H2BC6: variants seen among roughly 807,000 people sequenced by gnomAD.
H2BC6 encodes the protein histone H2B type 1-C/E/F/G/I.
Under a neutral mutation model 6.1 loss-of-function variants are expected in H2BC6, and 8 were observed. That is an observed-to-expected ratio of 1.31 (90% CI 0.77 to 2.36). The LOEUF (loss-of-function observed/expected upper bound fraction) is 2.36. H2BC6 is among the 30% of genes most tolerant of loss of function. The pLI, the probability that H2BC6 is intolerant of heterozygous loss-of-function variation, is 0.00. For missense variants in H2BC6, 212 were observed against 169.9 expected, an observed-to-expected ratio of 1.25 and a Z score of -1.38; for synonymous variants, 136 against 73.9, an observed-to-expected ratio of 1.84 and a Z score of -4.31.
Position 26,184,053 on chromosome 6 carries a change from G to A in H2BC6, c.258G>A (p.Lys86=). Reference sequence around the variant, plus strand: ...CTTCCCGCCTGGCGCATTACAACAAGCGCTCGACCATCACCTCCAGGGAGA... The same window carrying A: ...CTTCCCGCCTGGCGCATTACAACAAACGCTCGACCATCACCTCCAGGGAGA... The part of the protein sequence containing the change: ...GEASRLAHYN[K]RSTITSREIQ... The change falls in exon 1 of 1, where the codon AAG becomes AAA. Residue 86 remains lysine, a synonymous_variant. Coordinates refer to ENST00000614097, the MANE Select transcript of H2BC6 (RefSeq NM_003523.3). The A allele has an allele frequency of 6.2e-7, 1 of 1,614,228 alleles. No homozygotes were observed. The highest frequency in any genetic ancestry group is 8.5e-7 in the Non-Finnish European group (1 of 1,180,046).
chr6:26,183,849 C>A lies in H2BC6; in HGVS notation c.54C>A (p.Ala18=), dbSNP rs777712658. The part of the protein sequence containing the change: ...APAPKKGSKK[A]VTKAQKKDGK... ...CCCCGAAGAAGGGCTCCAAGAAGGC[C>A]GTGACCAAGGCGCAGAAGAAGGACG... Residue 18 remains alanine (A), a synonymous_variant, in exon 1 of 1, where the codon GCC becomes GCA. Coordinates refer to ENST00000614097, the MANE Select transcript of H2BC6 (RefSeq NM_003523.3). 220 of 1,614,096 alleles carry A rather than the reference C, an allele frequency of 1.4e-4. No individual in the cohort carries two copies. Among genetic ancestry groups the A allele is most frequent in the Non-Finnish European group, 8.5e-5 (100 of 1,180,048 alleles).
chr6:26,183,962 C>CCT lies in H2BC6; in HGVS notation c.170_171dup (p.Lys58LeufsTer7), dbSNP rs775706706. ...CAGGTCCACCCCGACACCGGCATCT[C>CCT]CTCTAAAGCCATGGGGATCATGAAT... is the stretch of plus-strand genomic sequence containing the variant. On this transcript the variant is annotated frameshift_variant, in exon 1 of 1. Coordinates refer to ENST00000614097, the MANE Select transcript of H2BC6 (RefSeq NM_003523.3). LOFTEE classifies it high-confidence loss of function. The CCT allele has an allele frequency of 3.1e-6, 5 of 1,614,252 alleles. No homozygotes were observed. In the African/African-American group the frequency reaches 6.7e-5, roughly 22 times the overall value.
chr6:26,183,849 C>G lies in H2BC6; in HGVS notation c.54C>G (p.Ala18=), dbSNP rs777712658. ...CCCCGAAGAAGGGCTCCAAGAAGGC[C>G]GTGACCAAGGCGCAGAAGAAGGACG... ...APAPKKGSKK[A]VTKAQKKDGK... is the part of the protein sequence containing the mutation. The change falls in exon 1 of 1, where the codon GCC becomes GCG. Residue 18 remains alanine, a synonymous_variant. Coordinates refer to ENST00000614097, the MANE Select transcript of H2BC6 (RefSeq NM_003523.3). The G allele has an allele frequency of 7.3e-5, 118 of 1,614,096 alleles. No individual in the cohort carries two copies. The highest frequency in any genetic ancestry group is 9.4e-5 in the Non-Finnish European group (111 of 1,180,048).
rs568409555 is a variant in H2BC6, at chr6:26,183,990, C to T, written c.195C>T (p.Ser65=). Residue 65 remains serine (S), a synonymous_variant, in exon 1 of 1, where the codon TCC becomes TCT. Coordinates refer to ENST00000614097, the MANE Select transcript of H2BC6 (RefSeq NM_003523.3). ...CTAAAGCCATGGGGATCATGAATTC[C>T]TTTGTCAACGACATCTTCGAGCGCA... The part of the protein sequence containing the change: ...ISSKAMGIMN[S]FVNDIFERIA... The T allele has an allele frequency of 5.6e-6, 9 of 1,614,272 alleles. No homozygotes were observed. Among genetic ancestry groups the T allele is most frequent in the Non-Finnish European group, 5.9e-6 (7 of 1,180,046 alleles).
In H2BC6 at chr6:26,183,953, C is replaced by A; in HGVS notation, c.158C>A (p.Thr53Asn). 1 of 1,614,270 alleles carries A rather than the reference C, an allele frequency of 6.2e-7. No homozygotes were observed. Among genetic ancestry groups the A allele is most frequent in the East Asian group, 2.2e-5 (1 of 44,884 alleles). The change falls in exon 1 of 1, where the codon ACC becomes AAC. Residue 53 changes from threonine to asparagine, a missense_variant. Physicochemically the swap from Thr to Asn is moderately conservative, Grantham distance 65. Coordinates refer to ENST00000614097, the MANE Select transcript of H2BC6 (RefSeq NM_003523.3). ...YKVLKQVHPDTGISSKAMGIM... is the reference protein window; with the variant it reads ...YKVLKQVHPDNGISSKAMGIM... The stretch of plus-strand genomic sequence containing the variant: ...GTGCTGAAACAGGTCCACCCCGACA[C>A]CGGCATCTCCTCTAAAGCCATGGGG...
In H2BC6 at chr6:26,184,160, A is replaced by ACAC; in HGVS notation, c.368_370dup (p.Thr123dup). The ACAC allele has an allele frequency of 6.2e-7, 1 of 1,614,182 alleles. No individual in the cohort carries two copies. The highest frequency in any genetic ancestry group is 8.5e-7 in the Non-Finnish European group (1 of 1,180,022). On this transcript the variant is annotated inframe_insertion, in exon 1 of 1. Transcript: ENST00000614097. ...GAGGGCACCAAGGCCGTTACCAAGT[A>ACAC]CACCAGCTCCAAGTAAACTTGTCCC... is the stretch of plus-strand genomic sequence containing the variant.
In H2BC6 at chr6:26,183,970, G is replaced by C. The variant is rs1415600577; in HGVS notation, c.175G>C (p.Ala59Pro). ...CCCCGACACCGGCATCTCCTCTAAAGCCATGGGGATCATGAATTCCTTTGT... is the reference window on the plus strand; with the variant it reads ...CCCCGACACCGGCATCTCCTCTAAACCCATGGGGATCATGAATTCCTTTGT... ...VHPDTGISSK[A>P]MGIMNSFVND... is the part of the protein sequence containing the mutation. Residue 59 changes from alanine to proline, a missense_variant, in exon 1 of 1, where the codon GCC (alanine) becomes CCC (proline). Coordinates refer to ENST00000614097, the MANE Select transcript of H2BC6 (RefSeq NM_003523.3). 6.2e-7 allele frequency: 1 copy of C among 1,614,252 alleles called. No individual in the cohort carries two copies. Among genetic ancestry groups the C allele is most frequent in the East Asian group, 2.2e-5 (1 of 44,888 alleles).
Position 26,183,815 on chromosome 6 carries a change from C to T in H2BC6, c.20C>T (p.Ser7Phe), listed in dbSNP as rs146757427. The part of the protein sequence containing the change: MPEPAK[S>F]APAPKKGSKK... The stretch of plus-strand genomic sequence containing the variant: ...GATAGCATGCCTGAGCCAGCGAAAT[C>T]CGCTCCCGCCCCGAAGAAGGGCTCC... The change falls in exon 1 of 1, where the codon TCC becomes TTC. Residue 7 changes from serine to phenylalanine, a missense_variant. By Grantham distance (155) the Ser-to-Phe change is radical (BLOSUM62 -2). Transcript: ENST00000614097. The T allele has an allele frequency of 6.2e-7, 1 of 1,607,212 alleles. No homozygotes were observed. Among genetic ancestry groups the T allele is most frequent in the South Asian group, 1.1e-5 (1 of 91,086 alleles).
chr6:26,183,847 G>A lies in H2BC6; in HGVS notation c.52G>A (p.Ala18Thr), dbSNP rs374387585. 4 of 1,614,126 alleles carry A rather than the reference G, an allele frequency of 2.5e-6. No individual in the cohort carries two copies. The highest frequency in any genetic ancestry group is 2.7e-5 in the African/African-American group (2 of 74,944). The change falls in exon 1 of 1, where the codon GCC becomes ACC. Residue 18 changes from alanine (A) to threonine (T), a missense_variant. Transcript: ENST00000614097. The stretch of plus-strand genomic sequence containing the variant: ...CGCCCCGAAGAAGGGCTCCAAGAAG[G>A]CCGTGACCAAGGCGCAGAAGAAGGA... ...APAPKKGSKK[A>T]VTKAQKKDGK...
chr6:26,184,114 C>G lies in H2BC6; in HGVS notation c.319C>G (p.Leu107Val). The G allele has an allele frequency of 6.2e-7, 1 of 1,614,236 alleles. No homozygotes were observed. The highest frequency in any genetic ancestry group is 1.1e-5 in the South Asian group (1 of 91,080). ...CGTGCGCCTGCTGCTTCCCGGGGAG[C>G]TGGCCAAGCACGCTGTGTCAGAGGG... ...TAVRLLLPGE[L>V]AKHAVSEGTK... is the part of the protein sequence containing the mutation. The change falls in exon 1 of 1, where the codon CTG becomes GTG. Residue 107 changes from leucine to valine, a missense_variant. Physicochemically the swap from Leu to Val is conservative, Grantham distance 32. Coordinates refer to ENST00000614097, the MANE Select transcript of H2BC6 (RefSeq NM_003523.3).
chr6:26,183,978 G>A lies in H2BC6; in HGVS notation c.183G>A (p.Gly61=), dbSNP rs538164578. Residue 61 remains glycine (G), a synonymous_variant, in exon 1 of 1, where the codon GGG becomes GGA. Transcript: ENST00000614097. ...PDTGISSKAM[G]IMNSFVNDIF... ...CCGGCATCTCCTCTAAAGCCATGGG[G>A]ATCATGAATTCCTTTGTCAACGACA... 9 of 1,614,136 alleles carry A rather than the reference G, an allele frequency of 5.6e-6. No homozygotes were observed. Among genetic ancestry groups the A allele is most frequent in the South Asian group, 5.5e-5 (5 of 91,094 alleles).
At position 26,183,799 on chromosome 6, in the gene H2BC6, C is replaced by T; in HGVS notation, c.4C>T (p.Pro2Ser). MPEPAKSAPAPK... is the reference protein window; with the variant it reads MSEPAKSAPAPK... Reference sequence around the variant, plus strand: ...ACTGCAGAACAGCAAAGATAGCATGCCTGAGCCAGCGAAATCCGCTCCCGC... The same window carrying T: ...ACTGCAGAACAGCAAAGATAGCATGTCTGAGCCAGCGAAATCCGCTCCCGC... Residue 2 changes from proline to serine, a missense_variant, in exon 1 of 1, where the codon CCT becomes TCT. Transcript: ENST00000614097. 1 of 1,614,186 alleles carries T rather than the reference C, an allele frequency of 6.2e-7. No homozygotes were observed. The highest frequency in any genetic ancestry group is 2.2e-5 in the East Asian group (1 of 44,890).
At position 26,183,772 on chromosome 6, in the gene H2BC6, T is replaced by G; in HGVS notation, c.-24T>G. The G allele has an allele frequency of 6.2e-7, 1 of 1,608,110 alleles. No individual in the cohort carries two copies. On this transcript the variant is annotated 5_prime_UTR_variant, in exon 1 of 1. Coordinates refer to ENST00000614097, the MANE Select transcript of H2BC6 (RefSeq NM_003523.3). The stretch of plus-strand genomic sequence containing the variant: ...GAGATGTAGATTTCATTTTCTTTCC[T>G]AACTGCAGAACAGCAAAGATAGCAT...
At position 26,184,022 on chromosome 6, in the gene H2BC6, G is replaced by T. The variant is rs1330183714; in HGVS notation, c.227G>T (p.Gly76Val). 1.2e-6 allele frequency: 2 copies of T among 1,614,140 alleles called. No individual in the cohort carries two copies. The highest frequency in any genetic ancestry group is 1.7e-6 in the Non-Finnish European group (2 of 1,180,060). Reference protein sequence around the residue: ...FVNDIFERIAGEASRLAHYNK... With the variant: ...FVNDIFERIAVEASRLAHYNK... Reference sequence around the variant, plus strand: ...AACGACATCTTCGAGCGCATCGCCGGCGAGGCTTCCCGCCTGGCGCATTAC... The same window carrying T: ...AACGACATCTTCGAGCGCATCGCCGTCGAGGCTTCCCGCCTGGCGCATTAC... Residue 76 changes from glycine to valine, a missense_variant, in exon 1 of 1, where the codon GGC becomes GTC. Physicochemically the swap from Gly to Val is moderately radical, Grantham distance 109 (BLOSUM62 -3). Coordinates refer to ENST00000614097, the MANE Select transcript of H2BC6 (RefSeq NM_003523.3).
At position 26,183,798 on chromosome 6, in the gene H2BC6, G is replaced by GC; in HGVS notation, c.5dup (p.Glu3Ter). On this transcript the variant is annotated frameshift_variant, in exon 1 of 1. Transcript: ENST00000614097. LOFTEE classifies it high-confidence loss of function. ...AACTGCAGAACAGCAAAGATAGCAT[G>GC]CCTGAGCCAGCGAAATCCGCTCCCG... 1 of 1,614,170 alleles carries GC rather than the reference G, an allele frequency of 6.2e-7. No homozygotes were observed. Among genetic ancestry groups the GC allele is most frequent in the Non-Finnish European group, 8.5e-7 (1 of 1,180,022 alleles).
At position 26,183,910 on chromosome 6, in the gene H2BC6, T is replaced by C; in HGVS notation, c.115T>C (p.Ser39Pro). 6.2e-7 allele frequency: 1 copy of C among 1,614,246 alleles called. No homozygotes were observed. Among genetic ancestry groups the C allele is most frequent in the Non-Finnish European group, 8.5e-7 (1 of 1,180,046 alleles). ...KRKRSRKESY[S>P]VYVYKVLKQV... ...CAAGCGCAGCCGCAAGGAGAGCTAC[T>C]CCGTATACGTGTACAAGGTGCTGAA... Residue 39 changes from serine (S) to proline (P), a missense_variant, in exon 1 of 1, where the codon TCC (serine) becomes CCC (proline). Coordinates refer to ENST00000614097, the MANE Select transcript of H2BC6 (RefSeq NM_003523.3).
rs1014614888 is a variant in H2BC6, at chr6:26,183,817, G to C, written c.22G>C (p.Ala8Pro). The C allele has an allele frequency of 1.9e-6, 3 of 1,614,010 alleles. No homozygotes were observed. Among genetic ancestry groups the C allele is most frequent in the African/African-American group, 2.7e-5 (2 of 74,912 alleles). Reference sequence around the variant, plus strand: ...TAGCATGCCTGAGCCAGCGAAATCCGCTCCCGCCCCGAAGAAGGGCTCCAA... The same window carrying C: ...TAGCATGCCTGAGCCAGCGAAATCCCCTCCCGCCCCGAAGAAGGGCTCCAA... MPEPAKS[A>P]PAPKKGSKKA... is the part of the protein sequence containing the mutation. Residue 8 changes from alanine (A) to proline (P), a missense_variant, in exon 1 of 1, where the codon GCT becomes CCT. Ala to Pro is a conservative substitution (Grantham distance 27). Transcript: ENST00000614097.
Position 26,183,867 on chromosome 6 carries a change from G to A in H2BC6, c.72G>A (p.Lys24=), listed in dbSNP as rs1455978631. The stretch of plus-strand genomic sequence containing the variant: ...AGAAGGCCGTGACCAAGGCGCAGAA[G>A]AAGGACGGCAAGAAGCGCAAGCGCA... ...GSKKAVTKAQ[K]KDGKKRKRSR... is the part of the protein sequence containing the mutation. The change falls in exon 1 of 1, where the codon AAG becomes AAA. Residue 24 remains lysine, a synonymous_variant. Coordinates refer to ENST00000614097, the MANE Select transcript of H2BC6 (RefSeq NM_003523.3). 11 of 1,614,150 alleles carry A rather than the reference G, an allele frequency of 6.8e-6. No homozygotes were observed. Among genetic ancestry groups the A allele is most frequent in the East Asian group, 2.2e-5 (1 of 44,898 alleles).
rs552518996 is a variant in H2BC6 at position 26,183,884 on chromosome 6, G to T, written c.89G>T (p.Arg30Leu). 1.2e-6 allele frequency: 2 copies of T among 1,614,242 alleles called. No individual in the cohort carries two copies. The highest frequency in any genetic ancestry group is 1.3e-5 in the African/African-American group (1 of 75,066). ...TKAQKKDGKK[R>L]KRSRKESYSV... ...GCGCAGAAGAAGGACGGCAAGAAGC[G>T]CAAGCGCAGCCGCAAGGAGAGCTAC... is the stretch of plus-strand genomic sequence containing the variant. The change falls in exon 1 of 1, where the codon CGC (arginine) becomes CTC (leucine). Residue 30 changes from arginine to leucine, a missense_variant. By Grantham distance (102) the Arg-to-Leu change is moderately radical. Transcript: ENST00000614097.
Sources: gnomAD v4.1 joint callset for allele counts on GRCh38, gnomAD v4.1.1 for gene constraint, MANE v1.5 for transcripts, NCBI Gene and HGNC (gene_info 2026-07-23, HGNC 2026-07-21) for gene names.